The following GLB1L3 variants were observed in gnomAD, a reference collection of about 807,000 sequenced individuals.
The protein encoded by GLB1L3 is beta-galactosidase-1-like protein 3.
Under a neutral mutation model 89.5 loss-of-function variants are expected in GLB1L3, and 89 were observed. The ratio of observed to expected loss-of-function variants is 0.99; its 90% CI spans 0.84 to 1.19. The LOEUF is 1.19. Ranked by LOEUF, GLB1L3 falls within the 50% of genes most tolerant of loss-of-function variation. The probability of loss-of-function intolerance (pLI) is 0.00; values close to 1 mark genes in which losing one functional copy is unlikely to be tolerated. For synonymous variants in GLB1L3, 314 were observed against 312.3 expected, an observed-to-expected ratio of 1.01 and a Z score of -0.06; for missense variants, 812 against 813.3, an observed-to-expected ratio of 1.00 and a Z score of 0.02.
chr11:134,309,408 T>G (rs1377945099), intron 10 of GLB1L3, among the ~76,000 whole-genome samples: 1 of 152,190 alleles, frequency 6.6e-6, no homozygotes, highest in Non-Finnish European at 1.5e-5. Flanking sequence ...AATACTGTTT[T>G]CTTCAACATT....
At chr11:134,297,605 A>C (rs1198598677) in intron 9 of GLB1L3, among the ~76,000 whole-genome samples, 1 of 152,150 alleles carries the variant, frequency 6.6e-6, no homozygotes, top group Non-Finnish European at 1.5e-5. Flanking sequence ...TCACGCCTGT[A>C]ATCCCAGCAC....
intron 7 of GLB1L3, among the ~76,000 whole-genome samples, chr11:134,289,173 G>A (rs1006415479): frequency 4.1e-4 from 63 of 152,144 alleles, no homozygotes; most frequent in Non-Finnish European, 1.2e-4. Context: ...ATTATATACT[G>A]TATTCTTACA....
At chr11:134,282,296 G>A (rs890274081) in intron 5 of GLB1L3, among the ~76,000 whole-genome samples, 176 bp downstream of exon 5, 12 of 152,270 alleles carry the variant, frequency 7.9e-5, no homozygotes, top group African/African-American at 2.4e-4. Context: ...GCGGTACTGC[G>A]GTGGCGGGGG....
intron 18 of GLB1L3, among the ~76,000 whole-genome samples, 180 bp from the exon 19 acceptor site, chr11:134,318,451 A>G (rs1215915728): frequency 1.3e-5 from 2 of 152,198 alleles, no homozygotes; most frequent in Non-Finnish European, 2.9e-5. Flanking sequence ...GGTTCTATTT[A>G]TGCTTTTCTC....
intron 13 of GLB1L3, chr11:134,311,381 C>T (rs780623374): frequency 3.3e-5 from 18 of 545,890 alleles, no homozygotes; most frequent in Middle Eastern, 4.9e-4. Context: ...GGCAGCAGGA[C>T]GTCGGAGGAT....
At position 134,277,922 on chromosome 11, in the gene GLB1L3, G is replaced by A. The variant is rs753856112; in HGVS notation, c.362+10G>A. ...TCAATACTGTCACCACGTGAGTGCC[G>A]GCCCCTCACCTCCAGGATCTCGTTA... On this transcript the variant is annotated intron_variant, in intron 3 of 19. Transcript: ENST00000431683. 10 of 1,612,320 alleles carry A rather than the reference G, an allele frequency of 6.2e-6. No homozygotes were observed. Among genetic ancestry groups the A allele is most frequent in the Admixed American group, 1.7e-5 (1 of 59,788 alleles).
intron 8 of GLB1L3, chr11:134,292,935 C>T (rs1048870898): frequency 8.6e-5 from 53 of 617,192 alleles, no homozygotes; most frequent in Non-Finnish European, 1.5e-4. Context: ...TGGTTAATTT[C>T]AACAGTGGGT....
At chr11:134,285,304 G>A (rs1031635101) in intron 6 of GLB1L3, among the ~76,000 whole-genome samples, 2 of 152,072 alleles carry the variant, frequency 1.3e-5, no homozygotes, top group Non-Finnish European at 2.9e-5. Context: ...TGGCAACCTA[G>A]AGCACACAGT....
chr11:134,301,891 C>A (rs1941966159), intron 9 of GLB1L3, among the ~76,000 whole-genome samples: 1 of 152,036 alleles, frequency 6.6e-6, no homozygotes, highest in African/African-American at 2.4e-5. Flanking sequence ...CGGAGTTTTT[C>A]TATTTTTTTC....
rs1335594935 is a variant in GLB1L3 at position 134,318,911 on chromosome 11, A to G, written c.1931A>G (p.Asp644Gly). The change falls in exon 20 of 20, where the codon GAT (aspartate) becomes GGT (glycine). Residue 644 changes from aspartate to glycine, a missense_variant. By Grantham distance (94) the Asp-to-Gly change is moderately conservative. Transcript: ENST00000431683. ...ILFEKMMSGS[D>G]IKSTDKPTL ...TTTGAGAAGATGATGAGTGGCTCAG[A>G]TATCAAATCTACAGACAAGCCCACG... 6.2e-7 allele frequency: 1 copy of G among 1,612,782 alleles called. No individual in the cohort carries two copies. Among genetic ancestry groups the G allele is most frequent in the Non-Finnish European group, 8.5e-7 (1 of 1,179,554 alleles).
chr11:134,308,488 ATC>A, intron 10 of GLB1L3, among the ~76,000 whole-genome samples: 1 of 6,342 alleles, frequency 1.6e-4, no homozygotes, highest in Non-Finnish European at 3.4e-4. Context: ...CACCACCACC[ATC>A]ACCACCAAAT....
rs559291086 is a variant in GLB1L3 at position 134,283,629 on chromosome 11, T to C, written c.528-108T>C. The C allele has an allele frequency of 2.7e-5, 17 of 618,958 alleles. No homozygotes were observed. The South Asian group carries it at 3.3e-4, about 12-fold the overall frequency. The allele number at this position is 618,958 out of a possible 1,614,324, so 38.3% of individuals were successfully genotyped here. A position where few individuals can be genotyped will look rare whatever the true frequency, so the allele number is the denominator to read the frequency against. On this transcript the variant is annotated intron_variant, in intron 5 of 19. Coordinates refer to ENST00000431683, the MANE Select transcript of GLB1L3 (RefSeq NM_001080407.3). ...GACCCGAGTGCTCCGGGACCGGGGG[T>C]GTGAGGCAGCTGGGCAGATGTGCGG... is the stretch of plus-strand genomic sequence containing the variant.
At position 134,292,158 on chromosome 11, in the gene GLB1L3, GCTT is replaced by G; in HGVS notation, c.759_761del (p.Leu255del). On this transcript the variant is annotated inframe_deletion, in exon 8 of 20. Coordinates refer to ENST00000431683, the MANE Select transcript of GLB1L3 (RefSeq NM_001080407.3). ...CCCTGCTGAGAAGAGGGATTGTGGA[GCTT>G]CTCTTGACCTCTGATGGTGAGAAAC... 6.2e-7 allele frequency: 1 copy of G among 1,613,776 alleles called. No individual in the cohort carries two copies. Among genetic ancestry groups the G allele is most frequent in the Non-Finnish European group, 8.5e-7 (1 of 1,179,732 alleles).
chr11:134,312,575 G>A lies in GLB1L3; in HGVS notation c.1428+86G>A, dbSNP rs184665641. 35 of 1,497,232 alleles carry A rather than the reference G, an allele frequency of 2.3e-5. No individual in the cohort carries two copies. The East Asian group carries it at 3.3e-4, about 14-fold the overall frequency. The allele number at this position is 1,497,232 out of a possible 1,614,324, so 92.7% of individuals were successfully genotyped here. On this transcript the variant is annotated intron_variant, in intron 14 of 19. Transcript: ENST00000431683. ...CAGGGTAGTTGACTGAAGGATGCACGTTGCTGTTTGGTGACCTACTATATG... is the reference window on the plus strand; with the variant it reads ...CAGGGTAGTTGACTGAAGGATGCACATTGCTGTTTGGTGACCTACTATATG...
intron 3 of GLB1L3, among the ~76,000 whole-genome samples, chr11:134,280,754 T>G (rs1707028390): frequency 6.6e-6 from 1 of 152,186 alleles, no homozygotes; most frequent in Non-Finnish European, 1.5e-5. Context: ...ATCTCTGCAC[T>G]GCACAAAATT....
Position 134,310,947 on chromosome 11 carries a change from G to A in GLB1L3, c.1181-117G>A, listed in dbSNP as rs901758090. On this transcript the variant is annotated intron_variant, in intron 12 of 19. Transcript: ENST00000431683. The stretch of plus-strand genomic sequence containing the variant: ...CTCTTTGTAAAGCTCTTATACCATG[G>A]ATGACATAGTAACCCCCAATATGAA... 5.4e-6 allele frequency: 4 copies of A among 738,620 alleles called. No homozygotes were observed. The African/African-American group carries it at 7.0e-5, about 13-fold the overall frequency. The allele number at this position is 738,620 out of a possible 1,614,324, so 45.8% of individuals were successfully genotyped here. A position where few individuals can be genotyped will look rare whatever the true frequency, so the allele number is the denominator to read the frequency against.
At position 134,277,022 on chromosome 11, in the gene GLB1L3, C is replaced by A. The variant is rs898832332; in HGVS notation, c.23+259C>A. ...GGCTCCAGCGGCTGGGCACCGTGTC[C>A]TTCCCGAACCTGGTGCTGGAAGTGC... On this transcript the variant is annotated intron_variant, in intron 1 of 19. Coordinates refer to ENST00000431683, the MANE Select transcript of GLB1L3 (RefSeq NM_001080407.3). The A allele has an allele frequency of 7.1e-6, 4 of 566,586 alleles. No individual in the cohort carries two copies. In the South Asian group the frequency reaches 9.4e-5, roughly 13 times the overall value. The allele number at this position is 566,586 out of a possible 1,614,324, so 35.1% of individuals were successfully genotyped here.
At chr11:134,294,873 G>C (rs1941550020) in intron 9 of GLB1L3, among the ~76,000 whole-genome samples, 1 of 152,156 alleles carries the variant, frequency 6.6e-6, no homozygotes, top group Admixed American at 6.5e-5. Context: ...CGTACGTAAA[G>C]TCATAGTCAA....
chr11:134,309,997 A>G, intron 11 of GLB1L3: 1 of 554,086 alleles, frequency 1.8e-6, no homozygotes, highest in African/African-American at 1.9e-5. Flanking sequence ...CACATCTGGT[A>G]TACTGCCCTG....
Sources: allele counts gnomAD v4.1 joint callset (sites outside exome capture counted in the v4.1 genomes callset), GRCh38; gene constraint gnomAD v4.1.1; transcripts MANE v1.5; gene names NCBI Gene and HGNC (gene_info 2026-07-23, HGNC 2026-07-21).